SGIP1: variants seen among roughly 807,000 people sequenced by gnomAD.
SGIP1 encodes SH3-containing GRB2-like protein 3-interacting protein 1.
A neutral mutation model predicts 107.5 loss-of-function variants in SGIP1; 38 were observed. The observed-to-expected ratio is 0.35, with a 90% confidence interval of 0.27 to 0.46. The LOEUF (loss-of-function observed/expected upper bound fraction) is 0.46, where lower values mean the gene tolerates loss of function less well. Among genes scored for constraint, SGIP1 ranks in the 20% least tolerant of loss-of-function variants. The pLI, the probability that SGIP1 is intolerant of heterozygous loss-of-function variation, is 1.00. For synonymous variants in SGIP1, 365 were observed against 366.1 expected, an observed-to-expected ratio of 1.00 and a Z score of 0.03; for missense variants, 929 against 1,019.5, an observed-to-expected ratio of 0.91 and a Z score of 1.21.
intron 1 of SGIP1, among the ~76,000 whole-genome samples, chr1:66,568,573 A>G (rs1571463626): frequency 6.6e-6 from 1 of 151,996 alleles, no homozygotes; most frequent in Non-Finnish European, 1.5e-5. Flanking sequence ...GTCCTGTGCT[A>G]GTTTTCAAAG....
intron 4 of SGIP1, among the ~76,000 whole-genome samples, 159 bp from the exon 5 acceptor site, chr1:66,639,618 A>T (rs962465343): frequency 2.0e-5 from 3 of 152,214 alleles, no homozygotes; most frequent in African/African-American, 7.2e-5. Context: ...TTACCATTCC[A>T]TTACACAAAT....
chr1:66,593,643 A>G (rs1033947103), intron 1 of SGIP1, among the ~76,000 whole-genome samples: 4 of 152,222 alleles, frequency 2.6e-5, no homozygotes, highest in Admixed American at 6.5e-5. Flanking sequence ...ACAGGGGCTC[A>G]TGCCTGTAAT....
intron 19 of SGIP1, 85 bp from the exon 20 acceptor site, chr1:66,729,179 C>T (rs1037097974): frequency 1.4e-6 from 2 of 1,469,760 alleles, no homozygotes; most frequent in African/African-American, 2.8e-5. Flanking sequence ...AACATTGCCT[C>T]ATAAATTGTT....
chr1:66,548,521 T>C lies in SGIP1; in HGVS notation c.10+14153T>C, dbSNP rs181234488. Reference sequence around the variant, plus strand: ...CTGAAAAAAATGAAGATATTAGAGATCCAAGGGTATCATGCACTTTTTTTA... The same window carrying C: ...CTGAAAAAAATGAAGATATTAGAGACCCAAGGGTATCATGCACTTTTTTTA... On this transcript the variant is annotated intron_variant, in intron 1 of 24. Transcript: ENST00000371037. Among the ~76,000 whole-genome samples, 300 of 152,244 alleles carry C rather than the reference T, an allele frequency of 2.0e-3. 1 individual carries two copies. The highest frequency in any genetic ancestry group is 6.9e-3 in the African/African-American group (286 of 41,548).
intron 15 of SGIP1, among the ~76,000 whole-genome samples, 197 bp from the exon 16 acceptor site, chr1:66,688,951 A>G (rs1019108636): frequency 4.6e-5 from 7 of 152,004 alleles, no homozygotes; most frequent in Admixed American, 3.3e-4. Context: ...AGCTTCTACC[A>G]TCAACCATAG....
chr1:66,559,281 C>G (rs570722999), intron 1 of SGIP1, among the ~76,000 whole-genome samples: 1 of 152,204 alleles, frequency 6.6e-6, no homozygotes, highest in South Asian at 2.1e-4. Flanking sequence ...GGGTAGCAAG[C>G]TGACAGGCTT....
At chr1:66,717,881 G>A (rs573193042) in intron 18 of SGIP1, among the ~76,000 whole-genome samples, 1 of 152,310 alleles carries the variant, frequency 6.6e-6, no homozygotes, top group South Asian at 2.1e-4. Flanking sequence ...ATTAGTGAAT[G>A]TTGATAATGC....
chr1:66,555,603 T>G (rs987519518), intron 1 of SGIP1, among the ~76,000 whole-genome samples: 1 of 152,154 alleles, frequency 6.6e-6, no homozygotes, highest in Non-Finnish European at 1.5e-5. Flanking sequence ...GCCCAATTCA[T>G]GTCAGAATTT....
At chr1:66,624,243 A>G (rs2072018890) in intron 1 of SGIP1, among the ~76,000 whole-genome samples, 1 of 152,198 alleles carries the variant, frequency 6.6e-6, no homozygotes, top group Non-Finnish European at 1.5e-5. Context: ...GGAAAATAGT[A>G]GGGATAGACT....
chr1:66,556,731 G>C (rs10493410), intron 1 of SGIP1, among the ~76,000 whole-genome samples: 22,415 of 151,428 alleles, frequency 0.15, 2,287 homozygotes, highest in East Asian at 0.45. Flanking sequence ...GTGGAGATCA[G>C]AAAGTATTCT....
intron 1 of SGIP1, among the ~76,000 whole-genome samples, chr1:66,588,638 C>CTTTTTTTTTTTTTTT (rs35096597): frequency 1.0e-4 from 10 of 98,678 alleles, no homozygotes; most frequent in South Asian, 3.6e-4. Context: ...CTAGTTAGTT[C>CTTTTTTTTTTTTTTT]TTTTTTTTTT....
At chr1:66,565,048 G>A (rs992724823) in intron 1 of SGIP1, among the ~76,000 whole-genome samples, 1 of 151,950 alleles carries the variant, frequency 6.6e-6, no homozygotes, top group African/African-American at 2.4e-5. Context: ...TCTGGAAGGG[G>A]GCAGACAGTA....
At chr1:66,544,011 T>C (rs17129065) in intron 1 of SGIP1, among the ~76,000 whole-genome samples, 25,179 of 152,146 alleles carry the variant, frequency 0.17, 2,378 homozygotes, top group East Asian at 0.37. Flanking sequence ...TTTCCATTGT[T>C]CTATTGGGTG....
chr1:66,629,720 C>G (rs2073831064), intron 2 of SGIP1, among the ~76,000 whole-genome samples: 1 of 152,026 alleles, frequency 6.6e-6, no homozygotes, highest in Admixed American at 6.5e-5. Flanking sequence ...TTTTAAAATA[C>G]AATATAAAAC....
chr1:66,744,299 A>G lies in SGIP1; in HGVS notation c.*1204A>G, dbSNP rs1388229091. On this transcript the variant is annotated 3_prime_UTR_variant, in exon 25 of 25. Coordinates refer to ENST00000371037, the MANE Select transcript of SGIP1 (RefSeq NM_032291.4). ...CTGTAAATCTTTGCCATTCTTGGAG[A>G]AGCAAAAGGAGAGTTATCAAAAATG... 1 of 152,122 alleles carries G rather than the reference A, an allele frequency of 6.6e-6. No individual in the cohort carries two copies. The highest frequency in any genetic ancestry group is 2.4e-5 in the African/African-American group (1 of 41,454). 9.4% of individuals were successfully genotyped at this position (152,122 alleles called of 1,614,324 possible).
chr1:66,709,188 C>G (rs1012800628), intron 18 of SGIP1, among the ~76,000 whole-genome samples: 1 of 150,814 alleles, frequency 6.6e-6, no homozygotes, highest in African/African-American at 2.4e-5. Context: ...CCCAGCCCCC[C>G]ACCCCCGACA....
chr1:66,546,045 A>G (rs1357242226), intron 1 of SGIP1, among the ~76,000 whole-genome samples: 3 of 152,192 alleles, frequency 2.0e-5, no homozygotes, highest in Non-Finnish European at 4.4e-5. Flanking sequence ...GAAAGAGTCA[A>G]GCCACCCAGC....
chr1:66,650,956 G>A (rs1212048836), intron 7 of SGIP1, among the ~76,000 whole-genome samples: 1 of 152,106 alleles, frequency 6.6e-6, no homozygotes, highest in African/African-American at 2.4e-5. Context: ...TATTATCCAT[G>A]TAGCCCTGAG....
At chr1:66,626,484 G>C (rs959928601) in intron 2 of SGIP1, among the ~76,000 whole-genome samples, 1 of 152,202 alleles carries the variant, frequency 6.6e-6, no homozygotes, top group African/African-American at 2.4e-5. Flanking sequence ...ACATATTTAA[G>C]TGTCATATCC....
Sources: allele counts gnomAD v4.1 joint callset (sites outside exome capture counted in the v4.1 genomes callset), GRCh38; gene constraint gnomAD v4.1.1; transcripts MANE v1.5; gene names NCBI Gene and HGNC (gene_info 2026-07-23, HGNC 2026-07-21).